TTN: variants seen among roughly 807,000 people sequenced by gnomAD.
TTN encodes connectin.
TTN carries 1,525 observed loss-of-function variants against 3,223.0 expected under a neutral mutation model. The ratio of observed to expected loss-of-function variants is 0.47; its 90% CI spans 0.45 to 0.49. TTN has a LOEUF of 0.49. Ranked by LOEUF, TTN falls within the 20% of genes least tolerant of loss-of-function variation. The pLI is 0.00. For synonymous variants in TTN, 14,094 were observed against 15,161.0 expected (o/e 0.93, Z 5.17); for missense variants, 40,786 against 43,424.0 (o/e 0.94, Z 5.40).
In TTN at chr2:178,584,689, A is replaced by G. The variant is rs2048549278; in HGVS notation, c.64952T>C (p.Met21651Thr). 2 of 1,613,434 alleles carry G rather than the reference A, an allele frequency of 1.2e-6. No homozygotes were observed. Among genetic ancestry groups the G allele is most frequent in the African/African-American group, 2.7e-5 (2 of 75,008 alleles). Reference sequence around the variant, plus strand: ...CATACCAAATGGGAACTGCGCAACCATCTTTGGAGATGTGAGAGGCTCTGA... The same window carrying G: ...CATACCAAATGGGAACTGCGCAACCGTCTTTGGAGATGTGAGAGGCTCTGA... ...GISEPLTSPK[M>T]VAQFPFGVPS... The change falls in exon 310 of 363, where the codon ATG becomes ACG. Residue 21651 changes from methionine to threonine, a missense_variant. Met to Thr is a moderately conservative substitution (Grantham distance 81, BLOSUM62 -1). Coordinates refer to ENST00000589042, the MANE Select transcript of TTN (RefSeq NM_001267550.2).
rs1057523342 is a variant in TTN, at chr2:178,553,008, T to C, written c.89892A>G (p.Pro29964=). ...WDPPLIDGGS[P]IINYVIEKRD... is the part of the protein sequence containing the mutation. ...TCTTTTCAATGACATAATTAATTAT[T>C]GGAGATCCTCCATCAATGAGAGGAG... Residue 29964 remains proline, a synonymous_variant, in exon 335 of 363, where the codon CCA becomes CCG. Coordinates refer to ENST00000589042, the MANE Select transcript of TTN (RefSeq NM_001267550.2). 1 of 1,611,772 alleles carries C rather than the reference T, an allele frequency of 6.2e-7. No individual in the cohort carries two copies. The highest frequency in any genetic ancestry group is 8.5e-7 in the Non-Finnish European group (1 of 1,179,758).
chr2:178,675,080 C>A lies in TTN; in HGVS notation c.34571G>T (p.Arg11524Leu). 1.3e-6 allele frequency: 2 copies of A among 1,558,736 alleles called. No homozygotes were observed. The highest frequency in any genetic ancestry group is 1.4e-5 in the African/African-American group (1 of 71,172). ...PEVPKKVEEK[R>L]IILPKEEEVL... Reference sequence around the variant, plus strand: ...TTCCTCTTCTTTAGGGAGAATGATTCGTTTTTCTTCCACCTTCTTAGGCAC... The same window carrying A: ...TTCCTCTTCTTTAGGGAGAATGATTAGTTTTTCTTCCACCTTCTTAGGCAC... The change falls in exon 150 of 363, where the codon CGA becomes CTA. Residue 11524 changes from arginine to leucine, a missense_variant. By Grantham distance (102) the Arg-to-Leu change is moderately radical. Coordinates refer to ENST00000589042, the MANE Select transcript of TTN (RefSeq NM_001267550.2).
At chr2:178,632,838 A>G (rs1265938573) in intron 234 of TTN, 46 bp from the exon 235 acceptor site, 2 of 1,612,584 alleles carry the variant, frequency 1.2e-6, no homozygotes, top group South Asian at 2.2e-5. Context: ...GTTTCCATTG[A>G]TGACCCTTGA....
Position 178,776,455 on chromosome 2 carries a change from T to A in TTN, c.5409A>T (p.Glu1803Asp). Residue 1803 changes from glutamate (E) to aspartate (D), a missense_variant, in exon 28 of 363, where the codon GAA (glutamate) becomes GAT (aspartate). Physicochemically the swap from Glu to Asp is conservative, Grantham distance 45. Coordinates refer to ENST00000589042, the MANE Select transcript of TTN (RefSeq NM_001267550.2). ...IVKDEKSLVEESQLPEGRKGL... is the reference protein window; with the variant it reads ...IVKDEKSLVEDSQLPEGRKGL... ...CTTTCCTCCCCTCAGGCAATTGGGATTCTTCCACAAGACTTTTCTCATCTT... is the reference window on the plus strand; with the variant it reads ...CTTTCCTCCCCTCAGGCAATTGGGAATCTTCCACAAGACTTTTCTCATCTT... The A allele has an allele frequency of 1.2e-6, 2 of 1,608,650 alleles. No individual in the cohort carries two copies. Among genetic ancestry groups the A allele is most frequent in the Non-Finnish European group, 1.7e-6 (2 of 1,179,986 alleles).
At chr2:178,711,009 T>G (rs1261741373) in intron 97 of TTN, 53 bp downstream of exon 97, 1 of 1,548,066 alleles carries the variant, frequency 6.5e-7, no homozygotes, top group Non-Finnish European at 8.7e-7. Context: ...CCTAAGTTCA[T>G]ATTTGATTAT....
intron 206 of TTN, 31 bp from the exon 207 acceptor site, chr2:178,651,567 C>A: frequency 6.2e-7 from 1 of 1,611,200 alleles, no homozygotes; most frequent in Non-Finnish European, 8.5e-7. Flanking sequence ...TGTTTAAGCT[C>A]ATGGTTTCAA....
At position 178,739,481 on chromosome 2, in the gene TTN, A is replaced by C; in HGVS notation, c.13752T>G (p.Gly4584=). Residue 4584 remains glycine, a synonymous_variant, in exon 48 of 363, where the codon GGT becomes GGG. Coordinates refer to ENST00000589042, the MANE Select transcript of TTN (RefSeq NM_001267550.2). ...TCTTTACTGTAGCAACCTCCTCAGTACCACTTTCAGAGGAAGACTCCTCTT... is the reference window on the plus strand; with the variant it reads ...TCTTTACTGTAGCAACCTCCTCAGTCCCACTTTCAGAGGAAGACTCCTCTT... ...EEKEESSSES[G]TEEVATVKIQ... is the part of the protein sequence containing the mutation. 6.2e-7 allele frequency: 1 copy of C among 1,613,804 alleles called. No individual in the cohort carries two copies. The highest frequency in any genetic ancestry group is 2.2e-5 in the East Asian group (1 of 44,858).
intron 278 of TTN, among the ~76,000 whole-genome samples, chr2:178,606,389 G>A (rs1253074535): frequency 1.3e-5 from 2 of 151,780 alleles, no homozygotes; most frequent in African/African-American, 4.8e-5. Context: ...TTTTTTCAGG[G>A]GGTGATGGTG....
At position 178,532,195 on chromosome 2, in the gene TTN, CTT is replaced by C. The variant is rs1181631215; in HGVS notation, c.104418_104419del (p.Glu34808SerfsTer8). 1.9e-6 allele frequency: 3 copies of C among 1,613,626 alleles called. No individual in the cohort carries two copies. Among genetic ancestry groups the C allele is most frequent in the Non-Finnish European group, 2.5e-6 (3 of 1,179,860 alleles). ...AATTTCTGTTATTTCTGTCACTTCT[CTT>C]TGTCGCCTTGATTTCTTTCTAGACT... On this transcript the variant is annotated frameshift_variant, in exon 358 of 363. Coordinates refer to ENST00000589042, the MANE Select transcript of TTN (RefSeq NM_001267550.2). LOFTEE classifies it high-confidence loss of function.
intron 92 of TTN, among the ~76,000 whole-genome samples, 158 bp from the exon 93 acceptor site, chr2:178,713,530 A>G (rs1042968527): frequency 5.3e-5 from 8 of 152,140 alleles, no homozygotes; most frequent in Non-Finnish European, 8.8e-5. Context: ...ATGGGTTCAC[A>G]CTATCAAAAG....
In TTN at chr2:178,733,535, A is replaced by G. The variant is rs754888797; in HGVS notation, c.15776-18T>C. The G allele has an allele frequency of 3.1e-6, 5 of 1,603,710 alleles. No individual in the cohort carries two copies. The highest frequency in any genetic ancestry group is 4.3e-6 in the Non-Finnish European group (5 of 1,173,364). ...GGCAGGTTCTACAATGGTATGAAAT[A>G]GTTAGCACCCTAAATGCTTGTTAGG... is the stretch of plus-strand genomic sequence containing the variant. On this transcript the variant is annotated intron_variant, in intron 53 of 362. Coordinates refer to ENST00000589042, the MANE Select transcript of TTN (RefSeq NM_001267550.2).
rs553900182 is a variant in TTN, at chr2:178,701,071, A to C, written c.30682+49T>G. On this transcript the variant is annotated intron_variant, in intron 111 of 362. Transcript: ENST00000589042. The stretch of plus-strand genomic sequence containing the variant: ...TGTATTAAGCAACATTTTTCGGGTC[A>C]GCAGAGTGAAATTCTTATTTCGACA... 2.5e-6 allele frequency: 4 copies of C among 1,584,390 alleles called. No homozygotes were observed. The East Asian group carries it at 6.7e-5, about 27-fold the overall frequency.
At chr2:178,550,443 G>T in intron 336 of TTN, 170 bp from the exon 337 acceptor site, 1 of 579,006 alleles carries the variant, frequency 1.7e-6, no homozygotes. Context: ...TGGACTATGG[G>T]GTTAAATATT....
In TTN at chr2:178,757,879, T is replaced by C; in HGVS notation, c.10341A>G (p.Gln3447=). Residue 3447 remains glutamine (Q), a synonymous_variant, in exon 45 of 363, where the codon CAA becomes CAG. Transcript: ENST00000589042. ...ATGAAACTGATAAAGAGACATGCCATTGGGAGTTTGATGTATTTTCTTCAA... is the reference window on the plus strand; with the variant it reads ...ATGAAACTGATAAAGAGACATGCCACTGGGAGTTTGATGTATTTTCTTCAA... The part of the protein sequence containing the change: ...SKFEENTSNS[Q]WHVSLSVSFK... 6.5e-7 allele frequency: 1 copy of C among 1,533,752 alleles called. No individual in the cohort carries two copies. Among genetic ancestry groups the C allele is most frequent in the East Asian group, 2.3e-5 (1 of 44,166 alleles).
In TTN at chr2:178,684,089, A is replaced by G. The variant is rs2070171615; in HGVS notation, c.32723-7T>C. On this transcript the variant is annotated splice_polypyrimidine_tract_variant and splice_region_variant and intron_variant, in intron 132 of 362. Coordinates refer to ENST00000589042, the MANE Select transcript of TTN (RefSeq NM_001267550.2). ...CTCTTCGGTTCCTCTGGCACTTTAAAGAGAGATTTCACTTTAAAGTATTGT... is the reference window on the plus strand; with the variant it reads ...CTCTTCGGTTCCTCTGGCACTTTAAGGAGAGATTTCACTTTAAAGTATTGT... 1 of 1,611,892 alleles carries G rather than the reference A, an allele frequency of 6.2e-7. No homozygotes were observed. The highest frequency in any genetic ancestry group is 8.5e-7 in the Non-Finnish European group (1 of 1,179,030).
rs1690297479 is a variant in TTN, at chr2:178,533,910, A to G, written c.102705T>C (p.Tyr34235=). ...FVKGVREVYD[Y]YCRRTMKKIK... ...TTTTCTTCATGGTTCTACGGCAGTA[A>G]TAGTCATAGACTTCTCTCACACCTT... Residue 34235 remains tyrosine, a synonymous_variant, in exon 358 of 363, where the codon TAT becomes TAC. Transcript: ENST00000589042. 6.2e-7 allele frequency: 1 copy of G among 1,613,862 alleles called. No individual in the cohort carries two copies. The highest frequency in any genetic ancestry group is 8.5e-7 in the Non-Finnish European group (1 of 1,179,872).
At chr2:178,770,732 A>G in intron 34 of TTN, 57 bp from the exon 35 acceptor site, 1 of 1,585,056 alleles carries the variant, frequency 6.3e-7, no homozygotes, top group South Asian at 1.1e-5. Context: ...CAAGGAAAAG[A>G]AGTCCTGAAC....
rs1178437079 is a variant in TTN at position 178,575,681 on chromosome 2, G to T, written c.70451C>A (p.Thr23484Lys). ...GCATTTATGGCACTTAGTGGTGGCT[G>T]TGGAATAAGATTTCCGTGTTGCTTC... ...KREATRKSYS[T>K]ATTKCHKCTY... Residue 23484 changes from threonine (T) to lysine (K), a missense_variant, in exon 326 of 363, where the codon ACA (threonine) becomes AAA (lysine). Thr to Lys is a moderately conservative substitution (Grantham distance 78, BLOSUM62 -1). Transcript: ENST00000589042. This position sits in a 1 kb window ranked among gnomAD's most constrained non-coding sequence, Gnocchi z 4.0. 6.2e-7 allele frequency: 1 copy of T among 1,613,596 alleles called. No homozygotes were observed. Among genetic ancestry groups the T allele is most frequent in the East Asian group, 2.2e-5 (1 of 44,790 alleles).
rs774883034 is a variant in TTN at position 178,739,688 on chromosome 2, C to T, written c.13545G>A (p.Lys4515=). 3.1e-6 allele frequency: 5 copies of T among 1,613,892 alleles called. No homozygotes were observed. Among genetic ancestry groups the T allele is most frequent in the Admixed American group, 3.3e-5 (2 of 60,002 alleles). Residue 4515 remains lysine, a synonymous_variant, in exon 48 of 363, where the codon AAG becomes AAA. Coordinates refer to ENST00000589042, the MANE Select transcript of TTN (RefSeq NM_001267550.2). ...CTTCTGGTTCAGTAATGGGTTCAAC[C>T]TTCTGTGAACCTGAAAAAGAATCCA... is the stretch of plus-strand genomic sequence containing the variant. ...EEMDSFSGSQ[K]VEPITEPEVE...
Sources: gnomAD v4.1 joint callset for allele counts (sites outside exome capture counted in the v4.1 genomes callset) on GRCh38, gnomAD v4.1.1 for gene constraint, Gnocchi (gnomAD v3.1) non-coding constraint, MANE v1.5 for transcripts, NCBI Gene and HGNC (gene_info 2026-07-23, HGNC 2026-07-21) for gene names.